ANO3: variants seen among roughly 807,000 people sequenced by gnomAD.
ANO3 encodes anoctamin 3.
ANO3 carries 99 observed loss-of-function variants against 144.8 expected under a neutral mutation model. The ratio of observed to expected loss-of-function variants is 0.68; its 90% CI spans 0.58 to 0.81. ANO3 has a LOEUF of 0.81. ANO3 is among the 30% of genes least tolerant of loss of function. The probability of loss-of-function intolerance (pLI) is 0.00; values close to 1 mark genes in which losing one functional copy is unlikely to be tolerated. For missense variants in ANO3, 905 were observed against 1,202.2 expected (o/e 0.75, Z 3.66); for synonymous variants, 414 against 392.6 (o/e 1.05, Z -0.64).
intron 1 of ANO3, among the ~76,000 whole-genome samples, chr11:26,216,636 AATC>A (rs1233676249): frequency 7.2e-5 from 11 of 152,104 alleles, no homozygotes; most frequent in Non-Finnish European, 1.2e-4. Flanking sequence ...AATTTCCTGA[AATC>A]ATGATTACTA....
At chr11:26,583,417 C>A (rs77900305) in intron 14 of ANO3, among the ~76,000 whole-genome samples, 2 of 152,166 alleles carry the variant, frequency 1.3e-5, no homozygotes, top group Non-Finnish European at 2.9e-5. Context: ...TGTCCTTGGA[C>A]AGAGGAAATT....
chr11:26,229,935 A>G (rs563164841), intron 1 of ANO3, among the ~76,000 whole-genome samples: 57 of 152,318 alleles, frequency 3.7e-4, no homozygotes, highest in African/African-American at 1.4e-3. Context: ...TTTATATAGT[A>G]AAAATCATTG....
At chr11:26,496,810 G>A (rs1363326333) in intron 4 of ANO3, among the ~76,000 whole-genome samples, 1 of 151,798 alleles carries the variant, frequency 6.6e-6, no homozygotes, top group Non-Finnish European at 1.5e-5. Flanking sequence ...TTCACTTAAG[G>A]TAATGGACTC....
rs571143618 is a variant in ANO3, at chr11:26,470,386, T to TGA, written c.432+7254_432+7255dup. Among the ~76,000 whole-genome samples, 260 of 134,772 alleles carry TGA rather than the reference T, an allele frequency of 1.9e-3. 1 individual carries two copies. Among genetic ancestry groups the TGA allele is most frequent in the African/African-American group, 6.9e-3 (248 of 35,778 alleles). The allele number at this position is 134,772 out of a possible 152,430, so 88.4% of individuals were successfully genotyped here. ...ATGGTTATACAACTGCATTCCAACC[T>TGA]GAGAGAGAGAGAGAGAGGGAGACCC... On this transcript the variant is annotated intron_variant, in intron 4 of 26. Transcript: ENST00000256737.
intron 1 of ANO3, among the ~76,000 whole-genome samples, chr11:26,374,300 G>A (rs185122595): frequency 7.2e-5 from 11 of 152,264 alleles, no homozygotes; most frequent in African/African-American, 1.4e-4. Flanking sequence ...CAGCTGAAAC[G>A]TAATACACAT....
intron 11 of ANO3, among the ~76,000 whole-genome samples, chr11:26,544,755 A>G (rs1038426469): frequency 2.0e-5 from 3 of 152,030 alleles, no homozygotes; most frequent in African/African-American, 4.8e-5. Context: ...TCTCATCTAT[A>G]GAAGACATTA....
At chr11:26,262,451 T>C (rs1853211130) in intron 1 of ANO3, among the ~76,000 whole-genome samples, 1 of 152,108 alleles carries the variant, frequency 6.6e-6, no homozygotes, top group Admixed American at 6.6e-5. Context: ...AATTTGATGT[T>C]ATATGTTCAG....
intron 1 of ANO3, among the ~76,000 whole-genome samples, chr11:26,441,694 G>A (rs1008580567): frequency 1.3e-5 from 2 of 152,254 alleles, no homozygotes; most frequent in Admixed American, 6.5e-5. Context: ...AGTGGTGAAA[G>A]CTCAAACAGG....
At chr11:26,493,843 C>G (rs146566618) in intron 4 of ANO3, among the ~76,000 whole-genome samples, 11 of 152,152 alleles carry the variant, frequency 7.2e-5, no homozygotes, top group Admixed American at 7.2e-4. Context: ...ACCTGACACC[C>G]TCTGAGGATT....
chr11:26,254,437 C>T (rs1262069115), intron 1 of ANO3, among the ~76,000 whole-genome samples: 1 of 152,112 alleles, frequency 6.6e-6, no homozygotes, highest in East Asian at 1.9e-4. Flanking sequence ...AATAAAATTA[C>T]AATCCCTTTC....
intron 1 of ANO3, among the ~76,000 whole-genome samples, chr11:26,288,519 C>A (rs1228183287): frequency 1.3e-5 from 2 of 152,052 alleles, no homozygotes. Flanking sequence ...CTGACCTTCC[C>A]AGAAGAGCTT....
chr11:26,430,160 G>T (rs1178340253), intron 1 of ANO3, among the ~76,000 whole-genome samples: 1 of 151,606 alleles, frequency 6.6e-6, no homozygotes, highest in Non-Finnish European at 1.5e-5. Flanking sequence ...ACTCGAGAGG[G>T]TGAGGTAGGA....
In ANO3 at chr11:26,205,644, C is replaced by T. The variant is rs573074931; in HGVS notation, c.154+16314C>T. On this transcript the variant is annotated intron_variant, in intron 1 of 27. Coordinates refer to the ANO3 transcript ENST00000672621. ...AAGGTTCCTCCGAAAACCTGGGGAA[C>T]TTATGGCCTTCACTATCAAGCTGTT... Among the ~76,000 whole-genome samples the T allele has an allele frequency of 2.1e-4, 32 of 152,274 alleles. No individual in the cohort carries two copies. In the East Asian group the frequency reaches 6.0e-3, roughly 29 times the overall value.
At chr11:26,227,089 T>G (rs548270690) in intron 1 of ANO3, among the ~76,000 whole-genome samples, 1 of 152,180 alleles carries the variant, frequency 6.6e-6, no homozygotes, top group Admixed American at 6.5e-5. Context: ...CTTAGCACAA[T>G]GTCTTTAGGA....
At chr11:26,512,970 T>C (rs1392404448) in intron 5 of ANO3, among the ~76,000 whole-genome samples, 1 of 152,200 alleles carries the variant, frequency 6.6e-6, no homozygotes, top group East Asian at 1.9e-4. Context: ...GCCTACTGTG[T>C]GTCCAGCACA....
intron 1 of ANO3, among the ~76,000 whole-genome samples, chr11:26,434,233 T>C (rs186858329): frequency 1.8e-4 from 28 of 152,316 alleles, no homozygotes; most frequent in African/African-American, 6.7e-4. Flanking sequence ...TACTCTCTGA[T>C]GGTTACTTTT....
chr11:26,286,271 C>T (rs952367088), intron 1 of ANO3: 6 of 152,298 alleles, frequency 3.9e-5, no homozygotes, highest in African/African-American at 1.4e-4. Flanking sequence ...TATACCTTAA[C>T]ATTTGTTTCA....
intron 14 of ANO3, among the ~76,000 whole-genome samples, chr11:26,571,528 G>A (rs1239697535): frequency 6.6e-6 from 1 of 151,880 alleles, no homozygotes; most frequent in African/African-American, 2.4e-5. Flanking sequence ...GAAAATCTTT[G>A]AAAAAGATTT....
chr11:26,315,421 G>C (rs974800830), intron 1 of ANO3, among the ~76,000 whole-genome samples: 2 of 152,070 alleles, frequency 1.3e-5, no homozygotes, highest in African/African-American at 2.4e-5. Flanking sequence ...ATGCTTTCAG[G>C]GTCTAGGCAG....
Sources: gnomAD v4.1 joint callset for allele counts (sites outside exome capture counted in the v4.1 genomes callset) on GRCh38, gnomAD v4.1.1 for gene constraint, MANE v1.5 for transcripts, NCBI Gene and HGNC (gene_info 2026-07-23, HGNC 2026-07-21) for gene names.